Variants in MYO15B observed in about 807,000 individuals in gnomAD.
MYO15B encodes myosin XVB.
Under a neutral mutation model 119.3 loss-of-function variants are expected in MYO15B, and 207 were observed. The ratio of observed to expected loss-of-function variants is 1.73; its 90% CI spans 1.55 to 1.95. MYO15B has a LOEUF of 1.95. Among genes scored for constraint, MYO15B ranks in the 30% most tolerant of loss-of-function variants. The probability of loss-of-function intolerance (pLI) is 0.00; values close to 1 mark genes in which losing one functional copy is unlikely to be tolerated. For missense variants in MYO15B, 2,264 were observed against 1,203.1 expected (o/e 1.88, Z -13.04); for synonymous variants, 966 against 498.9 (o/e 1.94, Z -12.48).
intron 12 of MYO15B, 66 bp downstream of exon 12, chr17:75,595,038 C>G (rs955270598): frequency 8.8e-6 from 6 of 684,672 alleles, no homozygotes; most frequent in African/African-American, 5.3e-5. Context: ...TTCTGGGACC[C>G]CCACAGCTCC....
intron 9 of MYO15B, 49 bp from the exon 10 acceptor site, chr17:75,594,426 G>A (rs2056713402): frequency 1.7e-6 from 1 of 579,860 alleles, no homozygotes; most frequent in African/African-American, 1.9e-5. Flanking sequence ...CCTGGGGAGT[G>A]TGTCCATTCC....
intron 14 of MYO15B, among the ~76,000 whole-genome samples, chr17:75,598,390 AACAT>A (rs2057011694): frequency 6.6e-6 from 1 of 152,112 alleles, no homozygotes; most frequent in African/African-American, 2.4e-5. Flanking sequence ...CATCCTGGCT[AACAT>A]GGTGAAACCC....
chr17:75,609,732 G>A (rs2057895688), intron 21 of MYO15B, among the ~76,000 whole-genome samples: 2 of 133,422 alleles, frequency 1.5e-5, no homozygotes, highest in Non-Finnish European at 3.1e-5. Flanking sequence ...TCCTGATGGA[G>A]TCTTGGTCTG....
intron 21 of MYO15B, among the ~76,000 whole-genome samples, chr17:75,606,715 C>A (rs1018047341): frequency 6.6e-6 from 1 of 152,046 alleles, no homozygotes; most frequent in Non-Finnish European, 1.5e-5. Context: ...TCAGGTGATC[C>A]GCCCGCCTCA....
rs1392576173 is a variant in MYO15B at position 75,589,281 on chromosome 17, C to G, written c.1224C>G (p.Arg408=). 2.5e-6 allele frequency: 1 copy of G among 395,188 alleles called. No individual in the cohort carries two copies. The highest frequency in any genetic ancestry group is 2.1e-5 in the African/African-American group (1 of 47,430). 24.5% of individuals were successfully genotyped at this position (395,188 alleles called of 1,614,324 possible). A position where few individuals can be genotyped will look rare whatever the true frequency, so the allele number is the denominator to read the frequency against. ...CACGGGCGAGCGAGGGGTGGGGCCGCCGGAAACCGGACGAGGGGCGGGGTC... is the reference window on the plus strand; with the variant it reads ...CACGGGCGAGCGAGGGGTGGGGCCGGCGGAAACCGGACGAGGGGCGGGGTC... The change falls in exon 1 of 64, where the codon CGC becomes CGG. Residue 408 remains arginine (R), a synonymous_variant. Coordinates refer to ENST00000645453, the Ensembl canonical transcript of MYO15B. The surrounding 1 kb of genome is among the most constrained non-coding windows in gnomAD (Gnocchi z 4.2).
chr17:75,611,924 C>T (rs1424418885), exon 25 of MYO15B: 1 of 703,008 alleles, frequency 1.4e-6, no homozygotes, highest in East Asian at 2.7e-5. Flanking sequence ...CACCGAGTGC[C>T]TGCCGCCTGA....
chr17:75,588,403 TC>T lies in MYO15B; in HGVS notation c.348del (p.Gly117GlufsTer252). 2.5e-6 allele frequency: 1 copy of T among 398,488 alleles called. No homozygotes were observed. The highest frequency in any genetic ancestry group is 4.4e-6 in the Non-Finnish European group (1 of 225,980). The allele number at this position is 398,488 out of a possible 1,614,324, so 24.7% of individuals were successfully genotyped here. On this transcript the variant is annotated frameshift_variant, in exon 1 of 64. Coordinates refer to ENST00000645453, the Ensembl canonical transcript of MYO15B. LOFTEE classifies it high-confidence loss of function. ...GGGGCGCCTGGAGGAGGGAAGCCTC[TC>T]CGGAGGAGAAGAGCTGGGCGGCCGC...
exon 51 of MYO15B, chr17:75,621,370 G>A (rs1464309196): frequency 1.4e-5 from 10 of 701,146 alleles, no homozygotes; most frequent in Non-Finnish European, 2.1e-5. Flanking sequence ...TGGAGGTGCC[G>A]CAGGAAAGGA....
rs1225234884 is a variant in MYO15B at position 75,591,256 on chromosome 17, G to A, written c.2435+10G>A. Reference sequence around the variant, plus strand: ...CATGCATCCTCCTGTGGTGAGTGGTGGCCTTCCTGGGTGGCTGAACCCATG... The same window carrying A: ...CATGCATCCTCCTGTGGTGAGTGGTAGCCTTCCTGGGTGGCTGAACCCATG... On this transcript the variant is annotated intron_variant, in intron 4 of 63. Transcript: ENST00000645453. 3 of 702,618 alleles carry A rather than the reference G, an allele frequency of 4.3e-6. No individual in the cohort carries two copies. Among genetic ancestry groups the A allele is most frequent in the Non-Finnish European group, 7.8e-6 (3 of 384,840 alleles). The allele number at this position is 702,618 out of a possible 1,614,324, so 43.5% of individuals were successfully genotyped here.
chr17:75,589,375 G>A lies in MYO15B; in HGVS notation c.1318G>A (p.Glu440Lys), dbSNP rs1598676353. Reference sequence around the variant, plus strand: ...AGGGCGGGGCCACGAGCGAGGGGACGAGGGTCGGGGCCGCGGGAAAGCGGA... The same window carrying A: ...AGGGCGGGGCCACGAGCGAGGGGACAAGGGTCGGGGCCGCGGGAAAGCGGA... Residue 440 changes from glutamate to lysine, a missense_variant, in exon 1 of 64, where the codon GAG becomes AAG. By Grantham distance (56) the Glu-to-Lys change is moderately conservative. Transcript: ENST00000645453. The surrounding 1 kb of genome is among the most constrained non-coding windows in gnomAD (Gnocchi z 4.2). 7.9e-6 allele frequency: 3 copies of A among 381,614 alleles called. No homozygotes were observed. The South Asian group carries it at 3.9e-4, about 49-fold the overall frequency. The allele number at this position is 381,614 out of a possible 1,614,324, so 23.6% of individuals were successfully genotyped here.
At chr17:75,610,111 C>A in intron 21 of MYO15B, 55 bp from the exon 22 acceptor site, 1 of 635,042 alleles carries the variant, frequency 1.6e-6, no homozygotes, top group Admixed American at 2.3e-5. Flanking sequence ...CAGTGCCAGG[C>A]AGGAAGCATA....
Position 75,625,830 on chromosome 17 carries a change from C to A in MYO15B, c.8939-14C>A. The stretch of plus-strand genomic sequence containing the variant: ...AGCAGTCAGATTTCCTGCCTGCACC[C>A]TCTCCACCCGCAGAGGCCATGAGCC... On this transcript the variant is annotated splice_polypyrimidine_tract_variant and intron_variant, in intron 61 of 63. Transcript: ENST00000645453. 1 of 702,584 alleles carries A rather than the reference C, an allele frequency of 1.4e-6. No individual in the cohort carries two copies. Among genetic ancestry groups the A allele is most frequent in the South Asian group, 1.5e-5 (1 of 67,584 alleles). The allele number at this position is 702,584 out of a possible 1,614,324, so 43.5% of individuals were successfully genotyped here.
At chr17:75,603,838 A>G (rs1319857148) in intron 19 of MYO15B, among the ~76,000 whole-genome samples, 4 of 152,198 alleles carry the variant, frequency 2.6e-5, no homozygotes, top group South Asian at 2.1e-4. Flanking sequence ...TTGTTTGCCT[A>G]TCTGGCCTTT....
chr17:75,594,514 G>C, exon 10 of MYO15B: 1 of 619,450 alleles, frequency 1.6e-6, no homozygotes, highest in Non-Finnish European at 2.9e-6. Flanking sequence ...TAGCTGGGCT[G>C]AGATCCACAC....
intron 9 of MYO15B, 55 bp downstream of exon 9, chr17:75,592,895 G>T: frequency 1.5e-6 from 1 of 677,192 alleles, no homozygotes; most frequent in South Asian, 1.6e-5. Flanking sequence ...TAGAATCAGG[G>T]CAGTGGTAAT....
chr17:75,620,785 T>A (rs751250922), intron 49 of MYO15B, 149 bp downstream of exon 49: 2 of 701,536 alleles, frequency 2.9e-6, no homozygotes, highest in South Asian at 3.0e-5. Flanking sequence ...TCCTGATGGC[T>A]CGCCTTGTCT....
At chr17:75,610,869 G>A (rs1203507608) in intron 22 of MYO15B, 31 bp from the exon 23 acceptor site, 2 of 702,826 alleles carry the variant, frequency 2.8e-6, no homozygotes, top group Non-Finnish European at 5.2e-6. Context: ...CACATGGGAG[G>A]CATCAGCTCT....
Position 75,612,875 on chromosome 17 carries a change from C to T in MYO15B, c.4713C>T (p.Ala1571=), listed in dbSNP as rs966961821. The T allele has an allele frequency of 4.3e-6, 3 of 702,380 alleles. No individual in the cohort carries two copies. The African/African-American group carries it at 5.2e-5, about 12-fold the overall frequency. The allele number at this position is 702,380 out of a possible 1,614,324, so 43.5% of individuals were successfully genotyped here. ...TGGATGGAGACAACCCTCAGCGTGC[C>T]CTGGACATCAACAAAGTGGTGAGTG... is the stretch of plus-strand genomic sequence containing the variant. Residue 1571 remains alanine, a synonymous_variant, in exon 26 of 64, where the codon GCC becomes GCT. Coordinates refer to ENST00000645453, the Ensembl canonical transcript of MYO15B.
At chr17:75,616,492 G>T (rs1463242449) in intron 38 of MYO15B, 32 bp from the exon 39 acceptor site, 1 of 683,738 alleles carries the variant, frequency 1.5e-6, no homozygotes, top group Non-Finnish European at 2.7e-6. Context: ...GGCTCTGCAC[G>T]CGGTTAACAG....
Sources: allele counts gnomAD v4.1 joint callset (sites outside exome capture counted in the v4.1 genomes callset), GRCh38; gene constraint gnomAD v4.1.1; non-coding constraint Gnocchi (gnomAD v3.1); transcripts MANE v1.5; gene names NCBI Gene and HGNC (gene_info 2026-07-23, HGNC 2026-07-21).